Variants in PDE1A observed in about 807,000 individuals in gnomAD.
PDE1A encodes the protein phosphodiesterase 1A, also known as dual specificity calcium/calmodulin-dependent 3',5'-cyclic nucleotide phosphodiesterase 1A.
PDE1A carries 35 observed loss-of-function variants against 61.7 expected under a neutral mutation model. The ratio of observed to expected loss-of-function variants is 0.57; its 90% CI spans 0.43 to 0.75. The LOEUF is 0.75. Among genes scored for constraint, PDE1A ranks in the 30% least tolerant of loss-of-function variants. The pLI is 0.00. For missense variants in PDE1A, 597 were observed against 630.6 expected (o/e 0.95, Z 0.57); for synonymous variants, 232 against 213.2 (o/e 1.09, Z -0.77).
intron 1 of PDE1A, among the ~76,000 whole-genome samples, chr2:182,281,312 AG>A (rs1361981929): frequency 3.9e-5 from 6 of 151,938 alleles, no homozygotes; most frequent in African/African-American, 1.4e-4. Flanking sequence ...TCCAGTGGAA[AG>A]AAATGCTAAA....
At chr2:182,609,113 C>T in the PDE1A span, among the ~76,000 whole-genome samples, 1 of 152,190 alleles carries the variant, frequency 6.6e-6, no homozygotes, top group East Asian at 1.9e-4. Context: ...TTTGTAAATG[C>T]ACCAATCAGC....
chr2:182,161,915 C>T (rs1051565269), intron 13 of PDE1A, among the ~76,000 whole-genome samples: 1 of 152,086 alleles, frequency 6.6e-6, no homozygotes, highest in Non-Finnish European at 1.5e-5. Context: ...GGCTGACTGG[C>T]TGAAACATGG....
chr2:182,537,962 T>C, the PDE1A span, among the ~76,000 whole-genome samples: 137 of 152,156 alleles, frequency 9.0e-4, no homozygotes, highest in Admixed American at 3.4e-3. Context: ...CTCTTGAAGG[T>C]TTTGAGCTCC....
chr2:182,486,278 T>C (rs776526451), intron 2 of PDE1A, among the ~76,000 whole-genome samples: 1 of 151,958 alleles, frequency 6.6e-6, no homozygotes, highest in Non-Finnish European at 1.5e-5. Flanking sequence ...CTGACAATAA[T>C]AAAATATTAC....
intron 2 of PDE1A, among the ~76,000 whole-genome samples, chr2:182,490,160 C>T (rs4666587): frequency 0.41 from 62,364 of 151,880 alleles, 13,264 homozygotes; most frequent in African/African-American, 0.51. Flanking sequence ...GAACATTTGA[C>T]TTGGCAATAT....
chr2:182,502,047 G>C (rs1408747174), intron 2 of PDE1A, among the ~76,000 whole-genome samples: 4 of 152,150 alleles, frequency 2.6e-5, no homozygotes, highest in African/African-American at 9.7e-5. Flanking sequence ...CAGACTGCCT[G>C]CCCTGTCCAC....
intron 13 of PDE1A, among the ~76,000 whole-genome samples, chr2:182,173,333 A>C (rs1029728051): frequency 6.6e-6 from 1 of 152,062 alleles, no homozygotes; most frequent in Non-Finnish European, 1.5e-5. Flanking sequence ...GAATGAATGG[A>C]TAACACACAA....
At chr2:182,234,593 G>T in intron 3 of PDE1A, 95 bp from the exon 4 acceptor site, 1 of 771,872 alleles carries the variant, frequency 1.3e-6, no homozygotes, top group Non-Finnish European at 2.2e-6. Context: ...CTTTTGACAT[G>T]TTCACCTCTT....
At chr2:182,578,520 A>G in the PDE1A span, among the ~76,000 whole-genome samples, 3 of 152,214 alleles carry the variant, frequency 2.0e-5, no homozygotes, top group Admixed American at 6.5e-5. Context: ...ATATTCATGT[A>G]CTTTGACCAA....
intron 2 of PDE1A, among the ~76,000 whole-genome samples, chr2:182,493,030 T>C (rs1233027267): frequency 6.6e-6 from 1 of 151,842 alleles, no homozygotes; most frequent in African/African-American, 2.4e-5. Flanking sequence ...ACCACACTTC[T>C]TTTATTGCAT....
chr2:182,615,396 T>G, the PDE1A span, among the ~76,000 whole-genome samples: 1 of 152,192 alleles, frequency 6.6e-6, no homozygotes, highest in Admixed American at 6.5e-5. Flanking sequence ...GTGGTAGTTA[T>G]TTATATCTTA....
the PDE1A span, among the ~76,000 whole-genome samples, chr2:182,572,334 T>C: frequency 2.2e-4 from 33 of 152,290 alleles, no homozygotes; most frequent in South Asian, 1.0e-3. Flanking sequence ...AACACTCTTC[T>C]GATATAACTC....
chr2:182,178,142 G>A (rs1294168069), intron 13 of PDE1A, among the ~76,000 whole-genome samples: 1 of 152,046 alleles, frequency 6.6e-6, no homozygotes, highest in Non-Finnish European at 1.5e-5. Context: ...GGAGACACAG[G>A]GGTTGTTACT....
At chr2:182,157,733 C>A (rs188860253) in intron 13 of PDE1A, among the ~76,000 whole-genome samples, 1 of 152,260 alleles carries the variant, frequency 6.6e-6, no homozygotes, top group African/African-American at 2.4e-5. Flanking sequence ...ATCCAAAATT[C>A]TAGGAGTCTA....
At chr2:182,510,233 G>C (rs774221163) in intron 2 of PDE1A, among the ~76,000 whole-genome samples, 1 of 151,976 alleles carries the variant, frequency 6.6e-6, no homozygotes, top group Non-Finnish European at 1.5e-5. Context: ...ACCAACCAAA[G>C]GGTCATGTTT....
chr2:182,227,806 T>C (rs1299667150), intron 6 of PDE1A, among the ~76,000 whole-genome samples: 1 of 152,064 alleles, frequency 6.6e-6, no homozygotes, highest in African/African-American at 2.4e-5. Flanking sequence ...GGAAGCCATT[T>C]ATAAGAACAG....
the PDE1A span, among the ~76,000 whole-genome samples, chr2:182,659,330 T>G: frequency 1.3e-5 from 2 of 152,224 alleles, no homozygotes; most frequent in Admixed American, 6.5e-5. Flanking sequence ...TATTTTACAT[T>G]TGTTCCCTTT....
At chr2:182,543,123 G>A in the PDE1A span, among the ~76,000 whole-genome samples, 2 of 152,088 alleles carry the variant, frequency 1.3e-5, no homozygotes, top group African/African-American at 4.8e-5. Flanking sequence ...CATCAGAGGA[G>A]ACCACTCAAA....
At chr2:182,596,787 T>C in the PDE1A span, among the ~76,000 whole-genome samples, 4 of 152,034 alleles carry the variant, frequency 2.6e-5, no homozygotes, top group Admixed American at 6.6e-5. Context: ...ATGAAAGCTG[T>C]AGAGTAACCA....
Sources: gnomAD v4.1 joint callset for allele counts (sites outside exome capture counted in the v4.1 genomes callset) on GRCh38, gnomAD v4.1.1 for gene constraint, MANE v1.5 for transcripts, NCBI Gene and HGNC (gene_info 2026-07-23, HGNC 2026-07-21) for gene names.